ZC3HAV1: variants seen among roughly 807,000 people sequenced by gnomAD.
ZC3HAV1 encodes the protein zinc finger CCCH-type containing, antiviral 1, also known as zinc finger CCCH-type antiviral protein 1.
Under a neutral mutation model 86.6 loss-of-function variants are expected in ZC3HAV1, and 41 were observed. The observed-to-expected ratio is 0.47, with a 90% confidence interval of 0.37 to 0.61. The LOEUF (loss-of-function observed/expected upper bound fraction) is 0.61, where lower values mean the gene tolerates loss of function less well. Among genes scored for constraint, ZC3HAV1 ranks in the 20% least tolerant of loss-of-function variants. The probability of loss-of-function intolerance (pLI) is 0.00; values close to 1 mark genes in which losing one functional copy is unlikely to be tolerated. For synonymous variants in ZC3HAV1, 421 were observed against 432.1 expected, an observed-to-expected ratio of 0.97 and a Z score of 0.32; for missense variants, 964 against 1,141.1, an observed-to-expected ratio of 0.84 and a Z score of 2.24.
chr7:139,073,235 G>C (rs563148254), intron 7 of ZC3HAV1, among the ~76,000 whole-genome samples: 4 of 152,106 alleles, frequency 2.6e-5, no homozygotes, highest in Admixed American at 1.3e-4. Flanking sequence ...GGAGATGGAG[G>C]TTGCAGTGAG....
chr7:139,079,278 TG>T (rs1178911057), intron 4 of ZC3HAV1, 191 bp downstream of exon 4: 1 of 1,536,988 alleles, frequency 6.5e-7, no homozygotes, highest in Non-Finnish European at 8.7e-7. Context: ...CCAGGTGTGG[TG>T]GGGACCAGGT....
At chr7:139,107,358 A>G (rs891296651) in intron 1 of ZC3HAV1, among the ~76,000 whole-genome samples, 5 of 152,250 alleles carry the variant, frequency 3.3e-5, no homozygotes, top group African/African-American at 1.2e-4. Context: ...AAAACGTTAG[A>G]GTGAGCTGAA....
At chr7:139,054,286 G>C (rs1160533742) in intron 10 of ZC3HAV1, among the ~76,000 whole-genome samples, 191 bp from the exon 11 acceptor site, 1 of 152,200 alleles carries the variant, frequency 6.6e-6, no homozygotes, top group South Asian at 2.1e-4. Context: ...CAGCGGGCCT[G>C]TCTGTCCAGG....
chr7:139,080,100 G>A lies in ZC3HAV1; in HGVS notation c.841C>T (p.His281Tyr). 6.2e-7 allele frequency: 1 copy of A among 1,614,152 alleles called. No homozygotes were observed. The highest frequency in any genetic ancestry group is 8.5e-7 in the Non-Finnish European group (1 of 1,180,026). Residue 281 changes from histidine to tyrosine, a missense_variant, in exon 4 of 13, where the codon CAC becomes TAC. His to Tyr is a moderately conservative substitution (Grantham distance 83). Coordinates refer to ENST00000242351, the MANE Select transcript of ZC3HAV1 (RefSeq NM_020119.4). ...GGCGCGTCCTCCAGGGAAGCCCTGT[G>A]GCTGATCTGATCTGGACTAGGTGTG... ...SCTPSPDQIS[H>Y]RASLEDAPVD... is the part of the protein sequence containing the mutation.
At chr7:139,068,559 T>C (rs1584849776) in intron 7 of ZC3HAV1, among the ~76,000 whole-genome samples, 1 of 152,238 alleles carries the variant, frequency 6.6e-6, no homozygotes, top group African/African-American at 2.4e-5. Context: ...ACAGTGACCA[T>C]GGAACTGATT....
At position 139,106,025 on chromosome 7, in the gene ZC3HAV1, C is replaced by T. The variant is rs886826052; in HGVS notation, c.308+2999G>A. ...ATATAAAATGAAATTAAAAATATGG[C>T]TCTGCCAATAAATGTTAGGAAATAA... is the stretch of plus-strand genomic sequence containing the variant. On this transcript the variant is annotated intron_variant, in intron 1 of 12. Transcript: ENST00000242351. Among the ~76,000 whole-genome samples the T allele has an allele frequency of 7.2e-5, 11 of 152,128 alleles. No individual in the cohort carries two copies. The East Asian group carries it at 1.9e-3, about 27-fold the overall frequency.
intron 9 of ZC3HAV1, chr7:139,060,690 AAAAG>A: frequency 3.0e-5 from 33 of 1,093,668 alleles, no homozygotes; most frequent in Non-Finnish European, 3.4e-5. Flanking sequence ...AAAAAAAAAA[AAAAG>A]AATCCACAGC....
intron 1 of ZC3HAV1, among the ~76,000 whole-genome samples, chr7:139,103,978 C>G (rs770994293): frequency 1.2e-4 from 19 of 152,058 alleles, no homozygotes; most frequent in Non-Finnish European, 2.5e-4. Flanking sequence ...ATGATTGAAG[C>G]TGCTTCTTAG....
chr7:139,074,140 T>C, intron 6 of ZC3HAV1, 110 bp from the exon 7 acceptor site: 1 of 1,087,256 alleles, frequency 9.2e-7, no homozygotes, highest in Non-Finnish European at 1.3e-6. Context: ...CTAAAATAGA[T>C]CTTCAAGTTT....
chr7:139,084,004 C>T lies in ZC3HAV1; in HGVS notation c.473G>A (p.Arg158Gln), dbSNP rs1321335994. The change falls in exon 3 of 13, where the codon CGG (arginine) becomes CAG (glutamine). Residue 158 changes from arginine to glutamine, a missense_variant. Arg to Gln is a conservative substitution (Grantham distance 43). Coordinates refer to ENST00000242351, the MANE Select transcript of ZC3HAV1 (RefSeq NM_020119.4). ...TGGCTGCTGGTTACAAATCTGCTGC[C>T]GACCCTCTCCCTTATAACTTTTGCA... ...EICKSYKGEG[R>Q]QQICNQQPPC... The T allele has an allele frequency of 2.5e-6, 4 of 1,614,022 alleles. No homozygotes were observed. Among genetic ancestry groups the T allele is most frequent in the East Asian group, 2.2e-5 (1 of 44,880 alleles).
At chr7:139,060,845 C>T in intron 9 of ZC3HAV1, 191 bp downstream of exon 9, 1 of 1,498,606 alleles carries the variant, frequency 6.7e-7, no homozygotes, top group East Asian at 2.6e-5. Flanking sequence ...ATTTTCCGAT[C>T]TAGTATCCTT....
chr7:139,074,141 C>T, intron 6 of ZC3HAV1, 111 bp from the exon 7 acceptor site: 1 of 1,086,400 alleles, frequency 9.2e-7, no homozygotes, highest in Non-Finnish European at 1.3e-6. Flanking sequence ...TAAAATAGAT[C>T]TTCAAGTTTT....
chr7:139,062,524 C>T (rs1816474156), intron 8 of ZC3HAV1, among the ~76,000 whole-genome samples: 1 of 152,222 alleles, frequency 6.6e-6, no homozygotes, highest in South Asian at 2.1e-4. Flanking sequence ...GTTTCATTTT[C>T]TCCACCGTTT....
chr7:139,062,169 T>G (rs1057036329), intron 8 of ZC3HAV1, among the ~76,000 whole-genome samples: 5 of 152,060 alleles, frequency 3.3e-5, no homozygotes, highest in Non-Finnish European at 7.3e-5. Context: ...GGGTGGTGGT[T>G]ACACGCATTT....
At position 139,045,279 on chromosome 7, in the gene ZC3HAV1, T is replaced by C. The variant is rs1044551; in HGVS notation, c.*2315A>G. The C allele has an allele frequency of 0.47, 71,376 of 151,800 alleles. 16,988 individuals are homozygous for C. Among genetic ancestry groups the C allele is most frequent in the Non-Finnish European group, 0.5 (33,820 of 67,940 alleles). The allele number at this position is 151,800 out of a possible 1,614,324, so 9.4% of individuals were successfully genotyped here. ...TGAAAACCACTGAACTAGCTAAAAA[T>C]GGGAACCACAAAACTGAAAGGAAGC... On this transcript the variant is annotated 3_prime_UTR_variant, in exon 13 of 13. Coordinates refer to ENST00000242351, the MANE Select transcript of ZC3HAV1 (RefSeq NM_020119.4).
intron 1 of ZC3HAV1, among the ~76,000 whole-genome samples, chr7:139,097,428 A>ATATATATATTTT: frequency 2.1e-5 from 1 of 48,158 alleles, no homozygotes. Context: ...ATATATATAT[A>ATATATATATTTT]TTTTTTTTTT....
At position 139,052,241 on chromosome 7, in the gene ZC3HAV1, G is replaced by A. The variant is rs544836780; in HGVS notation, c.2449+1210C>T. 1.6e-4 allele frequency among the ~76,000 whole-genome samples: 23 copies of A among 147,224 alleles called. 1 individual carries two copies. In the Middle Eastern group the frequency reaches 0.017, roughly 110 times the overall value. On this transcript the variant is annotated intron_variant, in intron 12 of 12. Transcript: ENST00000242351. Reference sequence around the variant, plus strand: ...TGTGCTGCACCCATTAACTCGTCACGTAGCATTAGGTATATCTCCTAATGC... The same window carrying A: ...TGTGCTGCACCCATTAACTCGTCACATAGCATTAGGTATATCTCCTAATGC...
Position 139,089,644 on chromosome 7 carries a change from C to G in ZC3HAV1, c.424G>C (p.Asp142His). Residue 142 changes from aspartate to histidine, a missense_variant, in exon 2 of 13, where the codon GAT becomes CAT. Transcript: ENST00000242351. ...EELAVLLLQS[D>H]PFFMPEICKS... ...CTTACCTCGGGCATAAAAAAAGGATCACTTTGGAGGAGGAGCACTGCTAAT... is the reference window on the plus strand; with the variant it reads ...CTTACCTCGGGCATAAAAAAAGGATGACTTTGGAGGAGGAGCACTGCTAAT... 6.2e-7 allele frequency: 1 copy of G among 1,605,644 alleles called. No homozygotes were observed. The highest frequency in any genetic ancestry group is 8.5e-7 in the Non-Finnish European group (1 of 1,176,894).
rs781174357 is a variant in ZC3HAV1, at chr7:139,064,972, C to T, written c.1900G>A (p.Asp634Asn). The stretch of plus-strand genomic sequence containing the variant: ...TAGAGAGACTCCAGGTATGAAGAGT[C>T]GACGTTTGAATTTTTCCGTTTGTCT... ...EKDKRKNSNVDSSYLESLYQS... is the reference protein window; with the variant it reads ...EKDKRKNSNVNSSYLESLYQS... Residue 634 changes from aspartate (D) to asparagine (N), a missense_variant, in exon 8 of 13, where the codon GAC becomes AAC. By Grantham distance (23) the Asp-to-Asn change is conservative (BLOSUM62 1). Transcript: ENST00000242351. 10 of 1,613,868 alleles carry T rather than the reference C, an allele frequency of 6.2e-6. No homozygotes were observed. The highest frequency in any genetic ancestry group is 1.3e-5 in the African/African-American group (1 of 74,942).
Sources: gnomAD v4.1 joint callset for allele counts (sites outside exome capture counted in the v4.1 genomes callset) on GRCh38, gnomAD v4.1.1 for gene constraint, MANE v1.5 for transcripts, NCBI Gene and HGNC (gene_info 2026-07-23, HGNC 2026-07-21) for gene names.